Variants in FGD5 observed in about 807,000 individuals in gnomAD.
FGD5 encodes FYVE, RhoGEF and PH domain containing 5, also known as FYVE, RhoGEF and PH domain-containing protein 5.
In FGD5, 28 loss-of-function variants were observed where a neutral mutation model predicts 133.4. The observed-to-expected ratio is 0.21, with a 90% confidence interval of 0.16 to 0.29. The LOEUF (loss-of-function observed/expected upper bound fraction) is 0.29. Among genes scored for constraint, FGD5 ranks in the 10% least tolerant of loss-of-function variants. FGD5 has a pLI of 1.00. For synonymous variants in FGD5, 810 were observed against 776.5 expected (o/e 1.04, Z -0.72); for missense variants, 1,858 against 1,895.2 (o/e 0.98, Z 0.36).
At chr3:14,840,069 C>G (rs2036890245) in intron 1 of FGD5, among the ~76,000 whole-genome samples, 2 of 152,178 alleles carry the variant, frequency 1.3e-5, no homozygotes, top group Admixed American at 1.3e-4. Context: ...CAGCCCCCTG[C>G]CTAGTTACTG....
intron 1 of FGD5, among the ~76,000 whole-genome samples, chr3:14,863,731 A>G (rs1314607498): frequency 6.6e-6 from 1 of 152,188 alleles, no homozygotes; most frequent in African/African-American, 2.4e-5. Context: ...TGTCCACCAC[A>G]TCATTGCATC....
chr3:14,851,734 A>G (rs759293777), intron 1 of FGD5, among the ~76,000 whole-genome samples: 1 of 151,802 alleles, frequency 6.6e-6, no homozygotes, highest in Non-Finnish European at 1.5e-5. Context: ...CACCCCCACT[A>G]GACTTCTGAG....
chr3:14,818,862 T>A, upstream of FGD5: 1 of 1,325,650 alleles, frequency 7.5e-7, no homozygotes, highest in Non-Finnish European at 9.8e-7. Flanking sequence ...GACGGAACCA[T>A]CTGTGGCGTC....
intron 1 of FGD5, among the ~76,000 whole-genome samples, chr3:14,824,838 A>AGAACG (rs1166009173): frequency 7.2e-5 from 11 of 152,242 alleles, no homozygotes; most frequent in Non-Finnish European, 1.6e-4. Flanking sequence ...AAAATAAGAT[A>AGAACG]GAACGGTAAA....
At chr3:14,932,426 C>A in intron 18 of FGD5, 151 bp from the exon 19 acceptor site, 1 of 828,194 alleles carries the variant, frequency 1.2e-6, no homozygotes, top group Non-Finnish European at 1.8e-6. Context: ...TGGGGGGAAG[C>A]GAGGGTCAAC....
chr3:14,826,486 C>T lies in FGD5; in HGVS notation c.2525+4890C>T, dbSNP rs78996842. On this transcript the variant is annotated intron_variant, in intron 1 of 19. Transcript: ENST00000285046. The stretch of plus-strand genomic sequence containing the variant: ...CAAGCTGCCTGGGTATTGGTCTACA[C>T]TTATTGTCTATGTGACCTAGAACAA... 2.1e-3 allele frequency among the ~76,000 whole-genome samples: 321 copies of T among 152,322 alleles called. 4 individuals are homozygous for T. The East Asian group carries it at 0.032, about 15-fold the overall frequency.
intron 1 of FGD5, among the ~76,000 whole-genome samples, chr3:14,853,926 T>C (rs2125096508): frequency 1.3e-5 from 2 of 148,920 alleles, no homozygotes; most frequent in Middle Eastern, 7.0e-3. Context: ...TGATATTCCC[T>C]TTACAGCACA....
Position 14,923,150 on chromosome 3 carries a change from C to A in FGD5, c.3912C>A (p.Gly1304=). The change falls in exon 16 of 20, where the codon GGC becomes GGA. Residue 1304 remains glycine, a synonymous_variant. Coordinates refer to ENST00000285046, the MANE Select transcript of FGD5 (RefSeq NM_152536.4). ...GCTTCGGGGAGCTGAAGAAGCGGGG[C>A]AGGGCTGTCCCGGGCCTGATGAGAG... ...DGCFGELKKR[G]RAVPGLMRER... The A allele has an allele frequency of 2.5e-6, 4 of 1,613,616 alleles. No homozygotes were observed. Among genetic ancestry groups the A allele is most frequent in the Non-Finnish European group, 3.4e-6 (4 of 1,179,822 alleles).
At chr3:14,927,799 G>A (rs1053669946) in intron 18 of FGD5, among the ~76,000 whole-genome samples, 3 of 151,882 alleles carry the variant, frequency 2.0e-5, no homozygotes, top group African/African-American at 4.8e-5. Flanking sequence ...GTCTTGCTTC[G>A]TTGTCCAAGG....
rs757047185 is a variant in FGD5, at chr3:14,917,273, T to C, written c.3430T>C (p.Tyr1144His). 8 of 1,613,722 alleles carry C rather than the reference T, an allele frequency of 5.0e-6. No individual in the cohort carries two copies. The highest frequency in any genetic ancestry group is 6.8e-6 in the Non-Finnish European group (8 of 1,179,790). The change falls in exon 12 of 20, where the codon TAT becomes CAT. Residue 1144 changes from tyrosine to histidine, a missense_variant. Transcript: ENST00000285046. The surrounding 1 kb of genome is among the most constrained non-coding windows in gnomAD (Gnocchi z 4.1). ...GATGAACGATGTGCTCCTGTACACC[T>C]ATCCCCAGAAGGATGGGAAGTACCG... ...FLMNDVLLYT[Y>H]PQKDGKYRLK... is the part of the protein sequence containing the mutation.
chr3:14,854,683 G>A (rs534463343), intron 1 of FGD5, among the ~76,000 whole-genome samples: 1 of 152,268 alleles, frequency 6.6e-6, no homozygotes, highest in African/African-American at 2.4e-5. Context: ...GCCTTCCAAA[G>A]TGCTGGGATT....
At chr3:14,829,110 G>A (rs1481130214) in intron 1 of FGD5, among the ~76,000 whole-genome samples, 1 of 152,050 alleles carries the variant, frequency 6.6e-6, no homozygotes, top group Non-Finnish European at 1.5e-5. Context: ...GGTCTTGATG[G>A]GGAGCAGGAG....
intron 1 of FGD5, among the ~76,000 whole-genome samples, chr3:14,824,876 TG>T (rs1447475577): frequency 6.6e-6 from 1 of 152,160 alleles, no homozygotes; most frequent in Non-Finnish European, 1.5e-5. Context: ...TAGCTTGAGG[TG>T]ATTCCTTGCC....
At chr3:14,919,187 A>G (rs2038622968) in intron 13 of FGD5, among the ~76,000 whole-genome samples, 1 of 152,104 alleles carries the variant, frequency 6.6e-6, no homozygotes, top group Non-Finnish European at 1.5e-5. Context: ...TAAAAAATGT[A>G]TTGTGTGCTG....
At chr3:14,848,287 G>T (rs2037090599) in intron 1 of FGD5, among the ~76,000 whole-genome samples, 1 of 152,052 alleles carries the variant, frequency 6.6e-6, no homozygotes, top group Non-Finnish European at 1.5e-5. Flanking sequence ...TTCCCTCCAA[G>T]ACTGCCACAC....
intron 1 of FGD5, among the ~76,000 whole-genome samples, chr3:14,849,791 T>C (rs1490250756): frequency 6.6e-6 from 1 of 152,110 alleles, no homozygotes; most frequent in East Asian, 1.9e-4. Context: ...ATGGGAGTGT[T>C]AATGTCTACA....
In FGD5 at chr3:14,917,036, G is replaced by C. The variant is rs183499123; in HGVS notation, c.3406-213G>C. 1.1e-3 allele frequency among the ~76,000 whole-genome samples: 161 copies of C among 152,290 alleles called. 3 individuals carry two copies. Among genetic ancestry groups the C allele is most frequent in the Non-Finnish European group, 2.8e-4 (19 of 68,030 alleles). ...GAACATACTCACACGACTTCTTGAG[G>C]GCATATGCATTTATTCCTCTCAAGC... On this transcript the variant is annotated intron_variant, in intron 11 of 19. Transcript: ENST00000285046. This position sits in a 1 kb window ranked among gnomAD's most constrained non-coding sequence, Gnocchi z 4.1.
chr3:14,819,488 A>C lies in FGD5; in HGVS notation c.417A>C (p.Thr139=), dbSNP rs1310503441. 2 of 1,551,460 alleles carry C rather than the reference A, an allele frequency of 1.3e-6. No homozygotes were observed. The highest frequency in any genetic ancestry group is 2.4e-5 in the South Asian group (2 of 84,058). ...GALSREGEEG[T]DLALEDEGEG... ...TGAGCAGGGAGGGTGAGGAAGGCAC[A>C]GACCTTGCTCTTGAGGATGAAGGGG... Residue 139 remains threonine (T), a synonymous_variant, in exon 1 of 20, where the codon ACA becomes ACC. Coordinates refer to ENST00000285046, the MANE Select transcript of FGD5 (RefSeq NM_152536.4). The surrounding 1 kb of genome is among the most constrained non-coding windows in gnomAD (Gnocchi z 4.1).
chr3:14,812,857 T>C (rs1192169519), intron 1 of FGD5, among the ~76,000 whole-genome samples: 1 of 152,234 alleles, frequency 6.6e-6, no homozygotes, highest in African/African-American at 2.4e-5. Flanking sequence ...AACCAGTAAA[T>C]ACCAGCTAAT....
Sources: gnomAD v4.1 joint callset for allele counts (sites outside exome capture counted in the v4.1 genomes callset) on GRCh38, gnomAD v4.1.1 for gene constraint, Gnocchi (gnomAD v3.1) non-coding constraint, MANE v1.5 for transcripts, NCBI Gene and HGNC (gene_info 2026-07-23, HGNC 2026-07-21) for gene names.